Variants in FRMD4A observed in about 807,000 individuals in gnomAD.
FRMD4A encodes FERM domain containing 4A, also known as FERM domain-containing protein 4A.
A neutral mutation model predicts 129.1 loss-of-function variants in FRMD4A; 29 were observed. That is an observed-to-expected ratio of 0.22 (90% CI 0.17 to 0.31). The LOEUF (loss-of-function observed/expected upper bound fraction) is 0.31. Ranked by LOEUF, FRMD4A falls within the 10% of genes least tolerant of loss-of-function variation. The pLI is 1.00. For synonymous variants in FRMD4A, 634 were observed against 571.6 expected (o/e 1.11, Z -1.56); for missense variants, 1,272 against 1,375.8 (o/e 0.92, Z 1.19).
intron 2 of FRMD4A, among the ~76,000 whole-genome samples, chr10:14,011,569 A>G (rs982104762): frequency 1.3e-5 from 2 of 152,150 alleles, no homozygotes; most frequent in African/African-American, 4.8e-5. Context: ...GCCAGTTGAA[A>G]GGGAACTGTG....
At chr10:13,902,855 A>AAACAAC (rs1554964064) in intron 2 of FRMD4A, among the ~76,000 whole-genome samples, 1 of 146,102 alleles carries the variant, frequency 6.8e-6, no homozygotes, top group Non-Finnish European at 1.5e-5. Flanking sequence ...AAAAAAAAAA[A>AAACAAC]AACAACAACA....
intron 12 of FRMD4A, among the ~76,000 whole-genome samples, chr10:13,718,736 C>T (rs935605989): frequency 2.6e-5 from 4 of 152,196 alleles, no homozygotes; most frequent in Non-Finnish European, 5.9e-5. Flanking sequence ...CTGCCTTAAA[C>T]AACTTTCTTT....
chr10:13,729,848 G>C (rs556527382), intron 12 of FRMD4A, among the ~76,000 whole-genome samples: 6 of 152,128 alleles, frequency 3.9e-5, no homozygotes, highest in East Asian at 1.9e-4. Context: ...TTCTTCCCAG[G>C]GGGGAGATTT....
At chr10:14,309,736 G>A (rs1358843681) in intron 2 of FRMD4A, among the ~76,000 whole-genome samples, 1 of 152,020 alleles carries the variant, frequency 6.6e-6, no homozygotes, top group Non-Finnish European at 1.5e-5. Flanking sequence ...ATGCCTCCCT[G>A]AAGACTTGCA....
At chr10:13,967,558 A>G (rs542525612) in intron 2 of FRMD4A, among the ~76,000 whole-genome samples, 71 of 152,310 alleles carry the variant, frequency 4.7e-4, no homozygotes, top group African/African-American at 1.7e-3. Flanking sequence ...AAACAAAAAC[A>G]AAAACAAAAA....
intron 2 of FRMD4A, among the ~76,000 whole-genome samples, chr10:14,009,651 G>C (rs1185320234): frequency 2.6e-5 from 4 of 152,236 alleles, no homozygotes; most frequent in African/African-American, 7.2e-5. Context: ...AGCAGCGCAC[G>C]GGCTGGAAAC....
At chr10:13,897,869 C>T (rs919827193) in intron 2 of FRMD4A, among the ~76,000 whole-genome samples, 15 of 141,554 alleles carry the variant, frequency 1.1e-4, no homozygotes, top group African/African-American at 3.2e-4. Context: ...ACCTGGGAGG[C>T]GGAGGCTGCA....
intron 2 of FRMD4A, among the ~76,000 whole-genome samples, chr10:14,075,957 T>C (rs1255820733): frequency 6.6e-6 from 1 of 152,228 alleles, no homozygotes; most frequent in Non-Finnish European, 1.5e-5. Flanking sequence ...TTGGCCTAAC[T>C]CTCATGTTCA....
chr10:14,082,327 T>G (rs1427833891), intron 2 of FRMD4A, among the ~76,000 whole-genome samples: 4 of 152,200 alleles, frequency 2.6e-5, no homozygotes, highest in Non-Finnish European at 5.9e-5. Context: ...GAATCTCTGT[T>G]GAAAACCAAC....
chr10:13,955,112 CTT>C (rs71388139), intron 2 of FRMD4A, among the ~76,000 whole-genome samples: 2 of 102,946 alleles, frequency 1.9e-5, no homozygotes, highest in Non-Finnish European at 3.6e-5. Context: ...AATAATTCTG[CTT>C]TTTTTTTTTT....
chr10:13,946,123 C>T (rs2095329639), intron 2 of FRMD4A, among the ~76,000 whole-genome samples: 1 of 152,220 alleles, frequency 6.6e-6, no homozygotes, highest in Non-Finnish European at 1.5e-5. Context: ...AGGGATGCCA[C>T]TGGTTTATGT....
chr10:13,816,669 G>A (rs961727415), intron 3 of FRMD4A, among the ~76,000 whole-genome samples: 8 of 152,236 alleles, frequency 5.3e-5, no homozygotes, highest in Non-Finnish European at 1.2e-4. Context: ...TGCTGGGCAA[G>A]CAGAAAGCAA....
At chr10:13,785,756 TG>T (rs1184716889) in intron 5 of FRMD4A, among the ~76,000 whole-genome samples, 1 of 152,164 alleles carries the variant, frequency 6.6e-6, no homozygotes, top group Non-Finnish European at 1.5e-5. Flanking sequence ...TGTCTCCTAA[TG>T]CTATCCCTCC....
intron 2 of FRMD4A, among the ~76,000 whole-genome samples, chr10:14,185,462 A>AT (rs1842063443): frequency 6.6e-6 from 1 of 152,254 alleles, no homozygotes; most frequent in Non-Finnish European, 1.5e-5. Context: ...AGAAATTAGT[A>AT]CAAAAAACAT....
intron 12 of FRMD4A, among the ~76,000 whole-genome samples, chr10:13,736,513 T>C (rs994467720): frequency 6.6e-6 from 1 of 152,252 alleles, no homozygotes; most frequent in Non-Finnish European, 1.5e-5. Context: ...CAGCATCTTT[T>C]CTTAGAACTT....
At chr10:13,833,464 G>A (rs1292339721) in intron 3 of FRMD4A, among the ~76,000 whole-genome samples, 1 of 152,108 alleles carries the variant, frequency 6.6e-6, no homozygotes, top group Non-Finnish European at 1.5e-5. Flanking sequence ...GATTTGGGTG[G>A]GAACACAGCC....
At chr10:13,658,237 C>T (rs920624089) in intron 21 of FRMD4A, among the ~76,000 whole-genome samples, 6 of 151,160 alleles carry the variant, frequency 4.0e-5, no homozygotes, top group Non-Finnish European at 8.8e-5. Context: ...TATTGTTTAA[C>T]CAAATACTAT....
chr10:13,916,374 G>T (rs968889421), intron 2 of FRMD4A, among the ~76,000 whole-genome samples: 1 of 152,144 alleles, frequency 6.6e-6, no homozygotes, highest in Non-Finnish European at 1.5e-5. Context: ...CTACTCTTAA[G>T]GCCCAGCCCT....
intron 2 of FRMD4A, among the ~76,000 whole-genome samples, chr10:13,880,637 G>A (rs2094536489): frequency 6.6e-6 from 1 of 152,084 alleles, no homozygotes; most frequent in South Asian, 2.1e-4. Flanking sequence ...TCTCCTGGGT[G>A]CAACCTCTCT....
Sources: allele counts gnomAD v4.1 joint callset (sites outside exome capture counted in the v4.1 genomes callset), GRCh38; gene constraint gnomAD v4.1.1; transcripts MANE v1.5; gene names NCBI Gene and HGNC (gene_info 2026-07-23, HGNC 2026-07-21).